The following MYO6 variants were observed in gnomAD, a reference collection of about 807,000 sequenced individuals.
MYO6 encodes the protein unconventional myosin-VI.
In MYO6, 74 loss-of-function variants were observed where a neutral mutation model predicts 178.7. The ratio of observed to expected loss-of-function variants is 0.41; its 90% CI spans 0.34 to 0.50. The LOEUF (loss-of-function observed/expected upper bound fraction) is 0.50, where lower values mean the gene tolerates loss of function less well. MYO6 is among the 20% of genes least tolerant of loss of function. The pLI is 0.09. For missense variants in MYO6, 1,330 were observed against 1,547.4 expected (o/e 0.86, Z 2.36); for synonymous variants, 477 against 504.6 (o/e 0.95, Z 0.73).
At chr6:75,779,636 A>G (rs192022794) in intron 1 of MYO6, among the ~76,000 whole-genome samples, 98 of 152,272 alleles carry the variant, frequency 6.4e-4, no homozygotes, top group Non-Finnish European at 1.3e-3. Flanking sequence ...TTTAGGAACT[A>G]TATATTGTGT....
At position 75,817,304 on chromosome 6, in the gene MYO6, C is replaced by CAAAA. The variant is rs759910571; in HGVS notation, c.-47-182_-47-179dup. On this transcript the variant is annotated intron_variant, in intron 1 of 34. Transcript: ENST00000369977. The stretch of plus-strand genomic sequence containing the variant: ...TGGGTGAGAGAGTGAGATTCCGTCT[C>CAAAA]AAAAAAAAAAAAAAAAAAGTAGATA... Among the ~76,000 whole-genome samples, 2,698 of 62,818 alleles carry CAAAA rather than the reference C, an allele frequency of 0.043. 86 individuals are homozygous for CAAAA. Among genetic ancestry groups the CAAAA allele is most frequent in the East Asian group, 0.19 (520 of 2,720 alleles). The allele number at this position is 62,818 out of a possible 152,430, so 41.2% of individuals were successfully genotyped here. A position where few individuals can be genotyped will look rare whatever the true frequency, so the allele number is the denominator to read the frequency against.
Position 75,879,931 on chromosome 6 carries a change from A to T in MYO6, c.2189A>T (p.Asp730Val). The T allele has an allele frequency of 1.9e-6, 3 of 1,614,152 alleles. No homozygotes were observed. The highest frequency in any genetic ancestry group is 2.5e-6 in the Non-Finnish European group (3 of 1,180,016). Residue 730 changes from aspartate (D) to valine (V), a missense_variant, in exon 21 of 35, where the codon GAT becomes GTT. This residue lies in a region of MYO6 where 613 missense variants were observed against 816.8 expected (regional missense o/e 0.75). Transcript: ENST00000369977. ...ATGCCAGATAAACTTGCAAGATTGGATCCAAGACTATTTTGTAAGGTATAA... is the reference window on the plus strand; with the variant it reads ...ATGCCAGATAAACTTGCAAGATTGGTTCCAAGACTATTTTGTAAGGTATAA... ...KYMPDKLARL[D>V]PRLFCKALFK...
In MYO6 at chr6:75,789,778, A is replaced by G. The variant is rs145724228; in HGVS notation, c.-47-27723A>G. 1.6e-4 allele frequency among the ~76,000 whole-genome samples: 24 copies of G among 152,296 alleles called. No individual in the cohort carries two copies. In the East Asian group the frequency reaches 4.2e-3, roughly 27 times the overall value. On this transcript the variant is annotated intron_variant, in intron 1 of 34. Coordinates refer to ENST00000369977, the MANE Select transcript of MYO6 (RefSeq NM_004999.4). ...TCAAAGTCTCTTTTAGCTATCTTGA[A>G]ATAAACACTACATTACTATTTGCTG...
At chr6:75,756,251 G>A (rs762995335) in intron 1 of MYO6, among the ~76,000 whole-genome samples, 4 of 151,626 alleles carry the variant, frequency 2.6e-5, no homozygotes, top group African/African-American at 4.8e-5. Flanking sequence ...CAACAAGCAA[G>A]CAAAAAACAA....
rs1378438388 is a variant in MYO6 at position 75,917,196 on chromosome 6, A to G, written c.*2184A>G. Reference sequence around the variant, plus strand: ...ACCATGTTCACAGTCAAGCCCATGCATGCCAGGTTAAAACTGTGGAAATCA... The same window carrying G: ...ACCATGTTCACAGTCAAGCCCATGCGTGCCAGGTTAAAACTGTGGAAATCA... On this transcript the variant is annotated 3_prime_UTR_variant, in exon 35 of 35. Transcript: ENST00000369977. 6.5e-6 allele frequency: 1 copy of G among 152,698 alleles called. No homozygotes were observed. Among genetic ancestry groups the G allele is most frequent in the African/African-American group, 2.4e-5 (1 of 41,468 alleles). The allele number at this position is 152,698 out of a possible 1,614,324, so 9.5% of individuals were successfully genotyped here.
At chr6:75,751,193 T>C (rs1272345075) in intron 1 of MYO6, among the ~76,000 whole-genome samples, 7 of 152,222 alleles carry the variant, frequency 4.6e-5, no homozygotes, top group Non-Finnish European at 8.8e-5. Context: ...ATACAGCTCA[T>C]TTTGAGTATT....
chr6:75,757,311 CATATACATATAGAACAT>C (rs1178738109), intron 1 of MYO6, among the ~76,000 whole-genome samples: 1 of 148,000 alleles, frequency 6.8e-6, no homozygotes, highest in Non-Finnish European at 1.5e-5. Flanking sequence ...TATACACACA[CATATACATATAGAACAT>C]ATATACATAT....
chr6:75,819,854 G>C (rs1315925247), intron 2 of MYO6, among the ~76,000 whole-genome samples: 1 of 152,292 alleles, frequency 6.6e-6, no homozygotes. Context: ...AGGAATTTGA[G>C]ACTAGCCTGG....
intron 1 of MYO6, among the ~76,000 whole-genome samples, chr6:75,787,442 A>G (rs764894470): frequency 1.3e-5 from 2 of 152,124 alleles, no homozygotes; most frequent in Non-Finnish European, 2.9e-5. Context: ...AACAACATGC[A>G]TGAATCTCAC....
intron 30 of MYO6, among the ~76,000 whole-genome samples, chr6:75,903,540 G>C (rs1252299342): frequency 6.6e-6 from 1 of 151,976 alleles, no homozygotes; most frequent in East Asian, 1.9e-4. Flanking sequence ...CAGAGACTAG[G>C]ATTGCAACCC....
chr6:75,812,002 G>GT (rs72403837), intron 1 of MYO6, among the ~76,000 whole-genome samples: 8,233 of 151,218 alleles, frequency 0.054, 324 homozygotes, highest in South Asian at 0.11. Flanking sequence ...TCAAGCCTAG[G>GT]TTTTTTTTTC....
intron 1 of MYO6, among the ~76,000 whole-genome samples, chr6:75,816,535 A>G (rs1167260144): frequency 6.6e-6 from 1 of 152,234 alleles, no homozygotes; most frequent in African/African-American, 2.4e-5. Flanking sequence ...AAATGGCTAT[A>G]TCCATTTGTC....
In MYO6 at chr6:75,917,778, A is replaced by G. The variant is rs527442811; in HGVS notation, c.*2766A>G. On this transcript the variant is annotated 3_prime_UTR_variant, in exon 35 of 35. Coordinates refer to ENST00000369977, the MANE Select transcript of MYO6 (RefSeq NM_004999.4). ...AGAATAGCAATCCACAGGCAAGAAT[A>G]ATGGTATTGTTTGTAGAGCTTTATT... The G allele has an allele frequency of 6.5e-6, 1 of 152,776 alleles. No homozygotes were observed. The highest frequency in any genetic ancestry group is 1.9e-4 in the East Asian group (1 of 5,188). The allele number at this position is 152,776 out of a possible 1,614,324, so 9.5% of individuals were successfully genotyped here.
At chr6:75,817,336 G>C (rs1183761382) in intron 1 of MYO6, among the ~76,000 whole-genome samples, 165 bp from the exon 2 acceptor site, 1 of 151,938 alleles carries the variant, frequency 6.6e-6, no homozygotes, top group Non-Finnish European at 1.5e-5. Context: ...GATAAAGGGG[G>C]CAGAGTTCAG....
At chr6:75,829,064 A>G (rs989705796) in intron 4 of MYO6, among the ~76,000 whole-genome samples, 2 of 152,174 alleles carry the variant, frequency 1.3e-5, no homozygotes, top group Non-Finnish European at 2.9e-5. Context: ...AAAAAAATGT[A>G]AATCAGAATA....
chr6:75,775,117 A>C (rs1459231883), intron 1 of MYO6, among the ~76,000 whole-genome samples: 1 of 152,084 alleles, frequency 6.6e-6, no homozygotes, highest in African/African-American at 2.4e-5. Flanking sequence ...TGTATACAAG[A>C]TTATCCTTTG....
chr6:75,842,575 A>G (rs73751029), intron 9 of MYO6, among the ~76,000 whole-genome samples: 92 of 152,306 alleles, frequency 6.0e-4, no homozygotes, highest in African/African-American at 2.2e-3. Flanking sequence ...AACACTTTAT[A>G]AATGTATCTC....
intron 1 of MYO6, among the ~76,000 whole-genome samples, chr6:75,796,222 A>G (rs1050026303): frequency 3.5e-4 from 53 of 152,246 alleles, no homozygotes; most frequent in African/African-American, 1.3e-3. Context: ...TAATATGCAT[A>G]TCTAATTAGG....
intron 1 of MYO6, among the ~76,000 whole-genome samples, chr6:75,810,040 C>T (rs1018717913): frequency 6.6e-6 from 1 of 150,680 alleles, no homozygotes; most frequent in Admixed American, 6.6e-5. Context: ...GCCCAGATTG[C>T]CCCATTGCCC....
Sources: gnomAD v4.1 joint callset for allele counts (sites outside exome capture counted in the v4.1 genomes callset) on GRCh38, gnomAD v4.1.1 for gene constraint, gnomAD v4.1.1 regional missense constraint, MANE v1.5 for transcripts, NCBI Gene and HGNC (gene_info 2026-07-23, HGNC 2026-07-21) for gene names.